DEPDC1B: variants seen among roughly 807,000 people sequenced by gnomAD.
The protein encoded by DEPDC1B is DEP domain containing 1B.
DEPDC1B carries 51 observed loss-of-function variants against 66.5 expected under a neutral mutation model. That is an observed-to-expected ratio of 0.77 (90% CI 0.61 to 0.97). The LOEUF (loss-of-function observed/expected upper bound fraction) is 0.97. DEPDC1B is among the 50% of genes least tolerant of loss of function. DEPDC1B has a pLI of 0.00. For synonymous variants in DEPDC1B, 226 were observed against 223.6 expected, an observed-to-expected ratio of 1.01 and a Z score of -0.10; for missense variants, 552 against 637.1, an observed-to-expected ratio of 0.87 and a Z score of 1.44.
intron 1 of DEPDC1B, among the ~76,000 whole-genome samples, chr5:60,698,039 A>T (rs76208040): frequency 7.3e-5 from 11 of 151,646 alleles, no homozygotes; most frequent in Non-Finnish European, 7.4e-5. Context: ...TTTTTTTTTT[A>T]GTCTAATGCA....
chr5:60,629,034 T>C (rs1026230937), intron 7 of DEPDC1B, among the ~76,000 whole-genome samples: 20 of 152,158 alleles, frequency 1.3e-4, no homozygotes, highest in African/African-American at 4.6e-4. Context: ...ATGGCAGCTC[T>C]GGGATGACTT....
At chr5:60,615,975 G>C (rs1436464092) in intron 7 of DEPDC1B, among the ~76,000 whole-genome samples, 1 of 152,206 alleles carries the variant, frequency 6.6e-6, no homozygotes, top group African/African-American at 2.4e-5. Flanking sequence ...AGCAACATTT[G>C]CTGTTCACCA....
intron 2 of DEPDC1B, among the ~76,000 whole-genome samples, chr5:60,648,411 C>T (rs1753370453): frequency 6.6e-6 from 1 of 152,178 alleles, no homozygotes; most frequent in Admixed American, 6.5e-5. Flanking sequence ...TGTTGAAGAC[C>T]ATATAAGCTG....
chr5:60,599,048 A>C (rs748742834), intron 10 of DEPDC1B, 27 bp downstream of exon 10: 1 of 1,543,618 alleles, frequency 6.5e-7, no homozygotes, highest in Non-Finnish European at 8.7e-7. Context: ...GAGGAGAAAA[A>C]ATGGCTTATA....
At chr5:60,698,564 T>C (rs565726052) in intron 1 of DEPDC1B, among the ~76,000 whole-genome samples, 4 of 152,258 alleles carry the variant, frequency 2.6e-5, no homozygotes, top group East Asian at 1.9e-4. Context: ...AAAAGAACCA[T>C]TGACATGAGT....
At position 60,644,935 on chromosome 5, in the gene DEPDC1B, C is replaced by T. The variant is rs1753275967; in HGVS notation, c.579-60G>A. ...CTTTAATATTATATTTACTCAAAAACCTGGTACTACAAAAAATCAATCTTT... is the reference window on the plus strand; with the variant it reads ...CTTTAATATTATATTTACTCAAAAATCTGGTACTACAAAAAATCAATCTTT... On this transcript the variant is annotated intron_variant, in intron 4 of 10. Coordinates refer to ENST00000265036, the MANE Select transcript of DEPDC1B (RefSeq NM_018369.3). 1.8e-5 allele frequency: 24 copies of T among 1,306,778 alleles called. No homozygotes were observed. The South Asian group carries it at 3.9e-4, about 21-fold the overall frequency. The allele number at this position is 1,306,778 out of a possible 1,614,324, so 80.9% of individuals were successfully genotyped here. A position where few individuals can be genotyped will look rare whatever the true frequency, so the allele number is the denominator to read the frequency against.
At chr5:60,630,356 G>A (rs1000302870) in intron 7 of DEPDC1B, among the ~76,000 whole-genome samples, 5 of 152,192 alleles carry the variant, frequency 3.3e-5, no homozygotes, top group Non-Finnish European at 5.9e-5. Flanking sequence ...ACGGCTGCAA[G>A]GACCAACGGA....
intron 7 of DEPDC1B, among the ~76,000 whole-genome samples, chr5:60,617,413 C>T (rs1203281883): frequency 2.6e-5 from 4 of 152,230 alleles, no homozygotes; most frequent in Non-Finnish European, 2.9e-5. Flanking sequence ...CAGAGACACA[C>T]ATAGGCTCAA....
intron 2 of DEPDC1B, among the ~76,000 whole-genome samples, chr5:60,679,584 G>C (rs1286894679): frequency 1.3e-5 from 2 of 152,020 alleles, no homozygotes; most frequent in Non-Finnish European, 2.9e-5. Context: ...AATGAGACAG[G>C]CAGGAAATAA....
At chr5:60,612,547 A>G (rs1043041485) in intron 7 of DEPDC1B, among the ~76,000 whole-genome samples, 1 of 150,722 alleles carries the variant, frequency 6.6e-6, no homozygotes, top group Admixed American at 6.6e-5. Flanking sequence ...AAAAAAAAAA[A>G]AGAATAGTAA....
At chr5:60,636,471 C>T (rs886324212) in intron 7 of DEPDC1B, among the ~76,000 whole-genome samples, 1 of 152,086 alleles carries the variant, frequency 6.6e-6, no homozygotes. Flanking sequence ...TTAGCTTCTC[C>T]GCAAAGTAGA....
intron 2 of DEPDC1B, among the ~76,000 whole-genome samples, chr5:60,664,422 G>C (rs906320929): frequency 6.6e-6 from 1 of 152,182 alleles, no homozygotes; most frequent in South Asian, 2.1e-4. Flanking sequence ...GGAGACTTGT[G>C]GCTGTCAGAC....
intron 2 of DEPDC1B, among the ~76,000 whole-genome samples, chr5:60,681,847 C>T (rs28778431): frequency 6.6e-6 from 1 of 151,808 alleles, no homozygotes; most frequent in African/African-American, 2.4e-5. Flanking sequence ...AACTCCCCTA[C>T]TCAAGCAATA....
At chr5:60,650,383 GC>G (rs1753417219) in intron 2 of DEPDC1B, among the ~76,000 whole-genome samples, 2 of 152,114 alleles carry the variant, frequency 1.3e-5, no homozygotes, top group Admixed American at 1.3e-4. Flanking sequence ...GACATTTAGG[GC>G]CGGATAGTTC....
chr5:60,645,525 A>G lies in DEPDC1B; in HGVS notation c.545T>C (p.Val182Ala), dbSNP rs763344739. 2 of 1,613,008 alleles carry G rather than the reference A, an allele frequency of 1.2e-6. No homozygotes were observed. The highest frequency in any genetic ancestry group is 2.2e-5 in the East Asian group (1 of 44,832). Residue 182 changes from valine (V) to alanine (A), a missense_variant, in exon 4 of 11, where the codon GTA (valine) becomes GCA (alanine). Coordinates refer to ENST00000265036, the MANE Select transcript of DEPDC1B (RefSeq NM_018369.3). The part of the protein sequence containing the change: ...VHRRQLTEAN[V>A]EEIWKSMTLS... ...TGTCATAGACTTCCATATCTCTTCT[A>G]CATTGGCCTCTGTCAGCTGTCTGCG...
At chr5:60,622,124 G>A (rs1486801752) in intron 7 of DEPDC1B, among the ~76,000 whole-genome samples, 1 of 151,784 alleles carries the variant, frequency 6.6e-6, no homozygotes, top group African/African-American at 2.4e-5. Flanking sequence ...TTTAAATGTA[G>A]AGCTCAGTGA....
At chr5:60,697,621 T>C (rs899202933) in intron 1 of DEPDC1B, among the ~76,000 whole-genome samples, 1 of 152,128 alleles carries the variant, frequency 6.6e-6, no homozygotes. Flanking sequence ...TTGGCTGCAA[T>C]CACTGACAGC....
intron 7 of DEPDC1B, among the ~76,000 whole-genome samples, chr5:60,635,557 C>T (rs567027449): frequency 2.6e-5 from 4 of 152,318 alleles, no homozygotes. Context: ...GAGTTGCAAG[C>T]TCAACTGCCT....
intron 2 of DEPDC1B, among the ~76,000 whole-genome samples, chr5:60,674,302 CATT>C (rs1370050642): frequency 1.3e-5 from 2 of 152,090 alleles, no homozygotes; most frequent in Non-Finnish European, 2.9e-5. Flanking sequence ...TAAAAAAGGA[CATT>C]ATAAAACAAA....
Sources: gnomAD v4.1 joint callset for allele counts (sites outside exome capture counted in the v4.1 genomes callset) on GRCh38, gnomAD v4.1.1 for gene constraint, MANE v1.5 for transcripts, NCBI Gene and HGNC (gene_info 2026-07-23, HGNC 2026-07-21) for gene names.